Variants in FRAS1 observed in about 807,000 individuals in gnomAD.
FRAS1 encodes extracellular matrix organizing protein FRAS1.
A neutral mutation model predicts 435.2 loss-of-function variants in FRAS1; 290 were observed. The ratio of observed to expected loss-of-function variants is 0.67; its 90% CI spans 0.61 to 0.73. The LOEUF is 0.73. Among genes scored for constraint, FRAS1 ranks in the 30% least tolerant of loss-of-function variants. The pLI is 0.00. For missense variants in FRAS1, 4,860 were observed against 5,001.5 expected, an observed-to-expected ratio of 0.97 and a Z score of 0.85; for synonymous variants, 1,800 against 1,851.0, an observed-to-expected ratio of 0.97 and a Z score of 0.71.
rs1460087980 is a variant in FRAS1, at chr4:78,540,964, A to C, written c.11879A>C (p.Asp3960Ala). The C allele has an allele frequency of 2.5e-6, 4 of 1,613,806 alleles. No individual in the cohort carries two copies. Among genetic ancestry groups the C allele is most frequent in the Non-Finnish European group, 3.4e-6 (4 of 1,179,838 alleles). The change falls in exon 74 of 74, where the codon GAC becomes GCC. Residue 3960 changes from aspartate to alanine, a missense_variant. Physicochemically the swap from Asp to Ala is moderately radical, Grantham distance 126. Transcript: ENST00000512123. ...GTAGAAGTGCCCAAGAGGCACCCGG[A>C]CCGGGTGGAGAAGAACGTGAATAGA... ...TKVEVPKRHP[D>A]RVEKNVNRHY...
intron 2 of FRAS1, among the ~76,000 whole-genome samples, chr4:78,222,056 C>A (rs1361683065): frequency 6.6e-6 from 1 of 152,092 alleles, no homozygotes. Context: ...GTGAGCAGGG[C>A]AGAGCCGTGG....
intron 29 of FRAS1, among the ~76,000 whole-genome samples, chr4:78,395,322 A>C (rs575816548): frequency 2.0e-5 from 3 of 152,024 alleles, no homozygotes; most frequent in Non-Finnish European, 4.4e-5. Context: ...CTGGAGAAGA[A>C]TATGAATTCT....
intron 7 of FRAS1, among the ~76,000 whole-genome samples, chr4:78,265,579 C>A (rs773156627): frequency 2.6e-5 from 4 of 152,122 alleles, no homozygotes; most frequent in African/African-American, 7.2e-5. Flanking sequence ...GTAGAACCTG[C>A]AAACTCAAAA....
intron 9 of FRAS1, among the ~76,000 whole-genome samples, chr4:78,275,368 TG>T (rs1333920626): frequency 6.6e-6 from 1 of 152,212 alleles, no homozygotes; most frequent in Non-Finnish European, 1.5e-5. Flanking sequence ...TGATGTTAGC[TG>T]GTTATTTTGC....
chr4:78,375,943 T>G, intron 26 of FRAS1, 64 bp downstream of exon 26: 1 of 1,560,700 alleles, frequency 6.4e-7, no homozygotes, highest in Non-Finnish European at 8.8e-7. Flanking sequence ...GAAGGCTGAG[T>G]TTGCAGACAT....
chr4:78,130,228 T>C (rs752907737), intron 2 of FRAS1, among the ~76,000 whole-genome samples: 8 of 152,200 alleles, frequency 5.3e-5, no homozygotes, highest in Non-Finnish European at 7.3e-5. Flanking sequence ...TTATTAACGG[T>C]GATTTTTTAA....
At chr4:78,270,546 C>G (rs964939687) in intron 9 of FRAS1, among the ~76,000 whole-genome samples, 1 of 134,670 alleles carries the variant, frequency 7.4e-6, no homozygotes, top group Non-Finnish European at 1.6e-5. Context: ...CCCGCCACCC[C>G]GCCCCCCCGC....
intron 2 of FRAS1, among the ~76,000 whole-genome samples, chr4:78,147,664 G>A (rs900957236): frequency 1.3e-5 from 2 of 152,102 alleles, no homozygotes; most frequent in African/African-American, 4.8e-5. Flanking sequence ...TTCTAGCTAT[G>A]TTTTCTTATG....
intron 2 of FRAS1, among the ~76,000 whole-genome samples, chr4:78,219,003 G>T (rs189030849): frequency 6.6e-6 from 1 of 152,250 alleles, no homozygotes; most frequent in East Asian, 1.9e-4. Context: ...GTATTTTAGG[G>T]TTCATTTTCC....
intron 29 of FRAS1, among the ~76,000 whole-genome samples, chr4:78,387,929 A>G (rs1303534862): frequency 6.6e-6 from 1 of 152,132 alleles, no homozygotes; most frequent in African/African-American, 2.4e-5. Flanking sequence ...TTTTTTGTTG[A>G]GGTACTGCCA....
intron 2 of FRAS1, among the ~76,000 whole-genome samples, chr4:78,143,724 T>A (rs926478451): frequency 8.1e-5 from 12 of 148,060 alleles, no homozygotes; most frequent in Non-Finnish European, 1.6e-4. Context: ...GATGAGACCC[T>A]GTCTCTACTA....
At chr4:78,235,426 T>G (rs1254788101) in intron 2 of FRAS1, among the ~76,000 whole-genome samples, 1 of 152,232 alleles carries the variant, frequency 6.6e-6, no homozygotes, top group East Asian at 1.9e-4. Flanking sequence ...GCTTGGAAAC[T>G]TATCTTACTC....
At chr4:78,399,788 C>T (rs930674731) in intron 29 of FRAS1, among the ~76,000 whole-genome samples, 1 of 152,174 alleles carries the variant, frequency 6.6e-6, no homozygotes, top group Non-Finnish European at 1.5e-5. Context: ...CATTTTCTCT[C>T]CCCTGAGCCA....
At position 78,255,305 on chromosome 4, in the gene FRAS1, C is replaced by A; in HGVS notation, c.533C>A (p.Ala178Asp). The A allele has an allele frequency of 6.4e-7, 1 of 1,566,102 alleles. No individual in the cohort carries two copies. The highest frequency in any genetic ancestry group is 1.7e-4 in the Middle Eastern group (1 of 6,004). ...DGEDWRLSRC[A>D]KCLCRNGVAQ... ...GAGGACTGGCGGCTGAGCCGGTGTG[C>A]CAAATGTCTGTGTAGAAATGGGGTT... The change falls in exon 6 of 74, where the codon GCC becomes GAC. Residue 178 changes from alanine to aspartate, a missense_variant. Physicochemically the swap from Ala to Asp is moderately radical, Grantham distance 126 (BLOSUM62 -2). Coordinates refer to ENST00000512123, the MANE Select transcript of FRAS1 (RefSeq NM_025074.7).
chr4:78,134,330 G>T (rs1446852047), intron 2 of FRAS1, among the ~76,000 whole-genome samples: 3 of 151,830 alleles, frequency 2.0e-5, no homozygotes, highest in Non-Finnish European at 4.4e-5. Flanking sequence ...GGCCGTAGAG[G>T]TTTTTTTTCT....
chr4:78,152,607 C>CTTTTTTTTTTTTTTTTTTTTTT (rs71214398), intron 2 of FRAS1, among the ~76,000 whole-genome samples: 2 of 72,412 alleles, frequency 2.8e-5, no homozygotes, highest in Non-Finnish European at 4.8e-5. Flanking sequence ...ATGTAGGCTG[C>CTTTTTTTTTTTTTTTTTTTTTT]TTTTTTTTTT....
intron 9 of FRAS1, among the ~76,000 whole-genome samples, chr4:78,267,731 A>C (rs1234335332): frequency 6.6e-6 from 1 of 152,260 alleles, no homozygotes; most frequent in Non-Finnish European, 1.5e-5. Context: ...CCTATCAGGC[A>C]GCGCAGCTGG....
intron 47 of FRAS1, among the ~76,000 whole-genome samples, chr4:78,453,286 T>C (rs1414155261): frequency 1.3e-5 from 2 of 152,120 alleles, no homozygotes; most frequent in Non-Finnish European, 2.9e-5. Context: ...TAGAAAGCTT[T>C]CACATTTGGC....
At chr4:78,334,733 T>A (rs895590534) in intron 19 of FRAS1, among the ~76,000 whole-genome samples, 1 of 151,978 alleles carries the variant, frequency 6.6e-6, no homozygotes, top group African/African-American at 2.4e-5. Flanking sequence ...ATATTTATCG[T>A]TTTCATGGCT....
Sources: allele counts gnomAD v4.1 joint callset (sites outside exome capture counted in the v4.1 genomes callset), GRCh38; gene constraint gnomAD v4.1.1; transcripts MANE v1.5; gene names NCBI Gene and HGNC (gene_info 2026-07-23, HGNC 2026-07-21).